The following CAMTA1 variants were observed in gnomAD, a reference collection of about 807,000 sequenced individuals.
CAMTA1 encodes calmodulin binding transcription activator 1.
In CAMTA1, 27 loss-of-function variants were observed where a neutral mutation model predicts 170.9. That is an observed-to-expected ratio of 0.16 (90% CI 0.12 to 0.22). The LOEUF (loss-of-function observed/expected upper bound fraction) is 0.22, where lower values mean the gene tolerates loss of function less well. Among genes scored for constraint, CAMTA1 ranks in the 10% least tolerant of loss-of-function variants. The probability of loss-of-function intolerance (pLI) is 1.00; values close to 1 mark genes in which losing one functional copy is unlikely to be tolerated. For missense variants in CAMTA1, 1,619 were observed against 2,217.2 expected (o/e 0.73, Z 5.42); for synonymous variants, 833 against 891.5 (o/e 0.93, Z 1.17).
intron 1 of CAMTA1, among the ~76,000 whole-genome samples, chr1:6,819,584 G>A (rs528960462): frequency 1.3e-5 from 2 of 152,294 alleles, no homozygotes; most frequent in East Asian, 3.9e-4. Flanking sequence ...TCTATGTACA[G>A]CACACATACT....
intron 3 of CAMTA1, among the ~76,000 whole-genome samples, chr1:7,013,930 G>A (rs1030778199): frequency 6.6e-6 from 1 of 152,230 alleles, no homozygotes. Flanking sequence ...CTCCTCCAAA[G>A]TCAGAGACAA....
chr1:6,812,403 T>C (rs1197726947), intron 1 of CAMTA1, among the ~76,000 whole-genome samples: 1 of 152,250 alleles, frequency 6.6e-6, no homozygotes, highest in Non-Finnish European at 1.5e-5. Flanking sequence ...ATGCTTGTTA[T>C]ACGTACATAA....
At chr1:7,347,725 C>A in intron 5 of CAMTA1, among the ~76,000 whole-genome samples, 1 of 151,658 alleles carries the variant, frequency 6.6e-6, no homozygotes, top group Non-Finnish European at 1.5e-5. Context: ...CAATCCAGGA[C>A]CCCCCCGGCT....
chr1:6,897,816 G>A (rs1675982475), intron 3 of CAMTA1, among the ~76,000 whole-genome samples: 1 of 152,210 alleles, frequency 6.6e-6, no homozygotes, highest in African/African-American at 2.4e-5. Context: ...ATGTTAGTAA[G>A]GGAAAAGTAT....
At chr1:7,753,315 C>A (rs914323603) in intron 21 of CAMTA1, among the ~76,000 whole-genome samples, 5 of 152,294 alleles carry the variant, frequency 3.3e-5, no homozygotes, top group Admixed American at 3.3e-4. Context: ...GTTCTTTATC[C>A]AGGTGAATAT....
At chr1:7,571,244 G>A (rs755316678) in intron 6 of CAMTA1, among the ~76,000 whole-genome samples, 10 of 152,190 alleles carry the variant, frequency 6.6e-5, no homozygotes, top group African/African-American at 4.8e-5. Flanking sequence ...TTCTCACTGC[G>A]TCCTCACAGG....
intron 4 of CAMTA1, among the ~76,000 whole-genome samples, chr1:7,114,048 C>G (rs942361917): frequency 2.0e-5 from 3 of 152,220 alleles, no homozygotes; most frequent in Non-Finnish European, 4.4e-5. Context: ...GGCCCACCCC[C>G]CATCCTCTCT....
chr1:6,932,914 A>G (rs1180656884), intron 3 of CAMTA1, among the ~76,000 whole-genome samples: 1 of 152,202 alleles, frequency 6.6e-6, no homozygotes, highest in African/African-American at 2.4e-5. Flanking sequence ...TATGCTTTGC[A>G]GAGATTTTCT....
chr1:7,515,290 G>A (rs1575743815), intron 6 of CAMTA1, among the ~76,000 whole-genome samples: 2 of 152,342 alleles, frequency 1.3e-5, no homozygotes, highest in East Asian at 1.9e-4. Flanking sequence ...CTGCTCTTGT[G>A]GCCTTGGAAG....
At chr1:6,951,111 AG>A (rs1314968279) in intron 3 of CAMTA1, among the ~76,000 whole-genome samples, 2 of 152,228 alleles carry the variant, frequency 1.3e-5, no homozygotes, top group Non-Finnish European at 2.9e-5. Context: ...GAATCCCCAT[AG>A]GACCCAAGAC....
At chr1:6,980,516 G>T (rs900882924) in intron 3 of CAMTA1, among the ~76,000 whole-genome samples, 8 of 152,138 alleles carry the variant, frequency 5.3e-5, no homozygotes, top group Non-Finnish European at 1.0e-4. Flanking sequence ...CTTCTGTTAG[G>T]TTATACAGTG....
At chr1:6,928,885 C>T (rs1266200443) in intron 3 of CAMTA1, among the ~76,000 whole-genome samples, 2 of 152,244 alleles carry the variant, frequency 1.3e-5, no homozygotes, top group African/African-American at 2.4e-5. Flanking sequence ...GCAGAGACCA[C>T]GTCCATCTGC....
At chr1:7,317,672 T>C (rs1012820049) in intron 5 of CAMTA1, among the ~76,000 whole-genome samples, 68 of 152,288 alleles carry the variant, frequency 4.5e-4, no homozygotes, top group African/African-American at 1.6e-3. Flanking sequence ...CTGGATGACA[T>C]CCACACGCAG....
chr1:7,364,170 G>A (rs2085783443), intron 5 of CAMTA1, among the ~76,000 whole-genome samples: 1 of 152,216 alleles, frequency 6.6e-6, no homozygotes, highest in African/African-American at 2.4e-5. Context: ...TGCTTATCGA[G>A]TGCTGACTCT....
At chr1:7,323,157 C>G (rs140150421) in intron 5 of CAMTA1, among the ~76,000 whole-genome samples, 1 of 151,780 alleles carries the variant, frequency 6.6e-6, no homozygotes, top group East Asian at 1.9e-4. Flanking sequence ...TAACTTTTTT[C>G]CTCAAAGTAC....
chr1:7,737,694 A>G, intron 15 of CAMTA1, 124 bp downstream of exon 15: 5 of 1,047,862 alleles, frequency 4.8e-6, no homozygotes, highest in Non-Finnish European at 6.8e-6. Flanking sequence ...AATGTTTCTG[A>G]TTTTTCTTTA....
intron 4 of CAMTA1, among the ~76,000 whole-genome samples, chr1:7,202,654 T>A (rs946005401): frequency 2.6e-5 from 4 of 152,204 alleles, no homozygotes; most frequent in Admixed American, 1.3e-4. Flanking sequence ...GTGAATGCAA[T>A]TGTTTTCTTA....
intron 5 of CAMTA1, among the ~76,000 whole-genome samples, chr1:7,442,533 A>G (rs961309410): frequency 3.9e-5 from 6 of 152,188 alleles, no homozygotes; most frequent in Admixed American, 3.9e-4. Flanking sequence ...TCCAAGAGAT[A>G]AAGAATCTGC....
At chr1:6,795,765 G>A (rs1187891025) in intron 1 of CAMTA1, among the ~76,000 whole-genome samples, 3 of 152,086 alleles carry the variant, frequency 2.0e-5, no homozygotes, top group African/African-American at 7.2e-5. Flanking sequence ...ACTGAACTAT[G>A]ACGTCAGCAT....
Sources: gnomAD v4.1 joint callset for allele counts (sites outside exome capture counted in the v4.1 genomes callset) on GRCh38, gnomAD v4.1.1 for gene constraint, MANE v1.5 for transcripts, NCBI Gene and HGNC (gene_info 2026-07-23, HGNC 2026-07-21) for gene names.